Variants in MYBPC1 observed in about 807,000 individuals in gnomAD.
MYBPC1 encodes the protein myosin-binding protein C, slow-type.
A neutral mutation model predicts 147.1 loss-of-function variants in MYBPC1; 52 were observed. The observed-to-expected ratio is 0.35, with a 90% CI of 0.28 to 0.45. The LOEUF (loss-of-function observed/expected upper bound fraction) is 0.45, where lower values mean the gene tolerates loss of function less well. Ranked by LOEUF, MYBPC1 falls within the 20% of genes least tolerant of loss-of-function variation. The pLI, the probability that MYBPC1 is intolerant of heterozygous loss-of-function variation, is 1.00. For missense variants in MYBPC1, 1,228 were observed against 1,440.3 expected, an observed-to-expected ratio of 0.85 and a Z score of 2.39; for synonymous variants, 477 against 475.9, an observed-to-expected ratio of 1.00 and a Z score of -0.03.
At chr12:101,613,228 C>G (rs1884890751) in intron 1 of MYBPC1, among the ~76,000 whole-genome samples, 1 of 152,162 alleles carries the variant, frequency 6.6e-6, no homozygotes, top group East Asian at 1.9e-4. Context: ...GCAATCCATT[C>G]ATTTTTCTAT....
At chr12:101,646,638 CA>C (rs35547157) in intron 12 of MYBPC1, 124 bp from the exon 13 acceptor site, 223 of 1,102,058 alleles carry the variant, frequency 2.0e-4, no homozygotes, top group Middle Eastern at 2.9e-4. Flanking sequence ...GACCCTGTCT[CA>C]AAAAAAAACA....
chr12:101,660,420 A>C (rs1265672027), intron 19 of MYBPC1: 1 of 169,174 alleles, frequency 5.9e-6, no homozygotes, highest in Non-Finnish European at 1.3e-5. Flanking sequence ...TTTGTAGTTA[A>C]AAACAACAAC....
At chr12:101,616,473 T>A (rs1317166289) in intron 2 of MYBPC1, among the ~76,000 whole-genome samples, 1 of 152,220 alleles carries the variant, frequency 6.6e-6, no homozygotes, top group African/African-American at 2.4e-5. Flanking sequence ...TCTGCTAAAA[T>A]TGTCCTTCTT....
chr12:101,673,786 C>T (rs1316209157), intron 25 of MYBPC1, among the ~76,000 whole-genome samples, 164 bp downstream of exon 25: 2 of 152,176 alleles, frequency 1.3e-5, no homozygotes, highest in Non-Finnish European at 2.9e-5. Context: ...GGCGTGGTAG[C>T]TTACACCTGT....
At chr12:101,691,200 T>C in the MYBPC1 span, among the ~76,000 whole-genome samples, 2 of 152,146 alleles carry the variant, frequency 1.3e-5, no homozygotes, top group Non-Finnish European at 2.9e-5. Flanking sequence ...GCCTCCTGAG[T>C]AGCTGGGATT....
intron 14 of MYBPC1, 146 bp from the exon 15 acceptor site, chr12:101,649,114 T>C: frequency 1.4e-6 from 1 of 718,752 alleles, no homozygotes; most frequent in Non-Finnish European, 2.4e-6. Context: ...CAGAGATTGA[T>C]TCGTACATTT....
In MYBPC1 at chr12:101,685,573, CCT is replaced by C; in HGVS notation, c.*20-4_*20-3del. 6.6e-7 allele frequency: 1 copy of C among 1,509,224 alleles called. No individual in the cohort carries two copies. Among genetic ancestry groups the C allele is most frequent in the Non-Finnish European group, 8.9e-7 (1 of 1,123,076 alleles). 93.5% of individuals were successfully genotyped at this position (1,509,224 alleles called of 1,614,324 possible). ...TTGATTTGTCTGTTTTCCTTTTGGTCCTCTCTAGGTGGGCTCTCCTTCTGCAG... is the reference window on the plus strand; with the variant it reads ...TTGATTTGTCTGTTTTCCTTTTGGTCCTCTAGGTGGGCTCTCCTTCTGCAG... On this transcript the variant is annotated splice_polypyrimidine_tract_variant and splice_region_variant and intron_variant, in intron 31 of 31. Transcript: ENST00000361466.
At chr12:101,616,595 C>A (rs749803840) in intron 2 of MYBPC1, among the ~76,000 whole-genome samples, 2 of 152,130 alleles carry the variant, frequency 1.3e-5, no homozygotes, top group Non-Finnish European at 2.9e-5. Flanking sequence ...CAGGTCTAAA[C>A]TAATATGATC....
In MYBPC1 at chr12:101,666,624, G is replaced by A. The variant is rs1394151847; in HGVS notation, c.2357-1108G>A. On this transcript the variant is annotated intron_variant, in intron 22 of 31. Coordinates refer to ENST00000361466, the MANE Select transcript of MYBPC1 (RefSeq NM_002465.4). ...TTGGTCTCTTCCGTCACTGCTCTGA[G>A]GACAAATCTCTTTGCACACTTTGCA... is the stretch of plus-strand genomic sequence containing the variant. 13 of 1,012,922 alleles carry A rather than the reference G, an allele frequency of 1.3e-5. No homozygotes were observed. In the East Asian group the frequency reaches 2.6e-4, roughly 20 times the overall value. 62.7% of individuals were successfully genotyped at this position (1,012,922 alleles called of 1,614,324 possible).
intron 10 of MYBPC1, among the ~76,000 whole-genome samples, chr12:101,639,282 T>G (rs1891569519): frequency 6.6e-6 from 1 of 152,214 alleles, no homozygotes; most frequent in Admixed American, 6.5e-5. Flanking sequence ...ATTATACAGG[T>G]CTATCCCGAG....
chr12:101,680,350 T>A lies in MYBPC1; in HGVS notation c.3254T>A (p.Ile1085Lys), dbSNP rs1306083254. 6.2e-7 allele frequency: 1 copy of A among 1,613,922 alleles called. No homozygotes were observed. The highest frequency in any genetic ancestry group is 1.1e-5 in the South Asian group (1 of 91,054). Residue 1085 changes from isoleucine (I) to lysine (K), a missense_variant, in exon 29 of 32, where the codon ATA becomes AAA. Ile to Lys is a moderately radical substitution (Grantham distance 102, BLOSUM62 -3). Around this residue, in one of 2 missense-constraint regions of MYBPC1, gnomAD observed 1,077 missense variants for 1,314.2 expected, o/e 0.82. Coordinates refer to ENST00000361466, the MANE Select transcript of MYBPC1 (RefSeq NM_002465.4). ...CTTCAATTTGAACTTCAGCCTAAAA[T>A]AACCTGGATGAAAAACAAAGTTGCT... is the stretch of plus-strand genomic sequence containing the variant. Reference protein sequence around the residue: ...CSVRGNPKPKITWMKNKVAIV... With the variant: ...CSVRGNPKPKKTWMKNKVAIV...
the MYBPC1 span, among the ~76,000 whole-genome samples, chr12:101,693,346 A>G: frequency 6.6e-6 from 1 of 152,228 alleles, no homozygotes; most frequent in Non-Finnish European, 1.5e-5. Flanking sequence ...TTGCATAAAT[A>G]ATAGTAAAAT....
At chr12:101,611,076 G>T (rs962885489) in intron 1 of MYBPC1, among the ~76,000 whole-genome samples, 1 of 152,162 alleles carries the variant, frequency 6.6e-6, no homozygotes, top group Non-Finnish European at 1.5e-5. Context: ...TCCTTCACTG[G>T]CTATAAAGTA....
chr12:101,600,398 A>C (rs1038683997), intron 1 of MYBPC1: 4 of 152,158 alleles, frequency 2.6e-5, no homozygotes, highest in Admixed American at 6.5e-5. Flanking sequence ...TGAATGTTGA[A>C]GTCAACTACC....
chr12:101,669,146 GT>G (rs1167133794), intron 23 of MYBPC1, among the ~76,000 whole-genome samples: 3 of 151,946 alleles, frequency 2.0e-5, no homozygotes, highest in African/African-American at 4.8e-5. Flanking sequence ...TCTTGAGTAT[GT>G]TTTTTTTCTA....
chr12:101,632,634 T>G (rs1890143347), intron 8 of MYBPC1, among the ~76,000 whole-genome samples: 1 of 152,272 alleles, frequency 6.6e-6, no homozygotes, highest in South Asian at 2.1e-4. Context: ...AACTCGCTTT[T>G]ACAAGTATAC....
At chr12:101,681,057 C>A (rs962270834) in intron 29 of MYBPC1, among the ~76,000 whole-genome samples, 1 of 152,130 alleles carries the variant, frequency 6.6e-6, no homozygotes, top group Non-Finnish European at 1.5e-5. Context: ...TTATAACAGG[C>A]TGCTTTTCAA....
At position 101,667,887 on chromosome 12, in the gene MYBPC1, A is replaced by G; in HGVS notation, c.2512A>G (p.Lys838Glu). The G allele has an allele frequency of 6.2e-7, 1 of 1,614,054 alleles. No individual in the cohort carries two copies. The highest frequency in any genetic ancestry group is 8.5e-7 in the Non-Finnish European group (1 of 1,179,950). Residue 838 changes from lysine (K) to glutamate (E), a missense_variant, in exon 23 of 32, where the codon AAG becomes GAG. Coordinates refer to ENST00000361466, the MANE Select transcript of MYBPC1 (RefSeq NM_002465.4). ...GTACTATTCTCAGCCCATTCTCGTG[A>G]AGGAAATCATAGGTAGGAGACAAGG... ...PKYYSQPILVKEIIEPPKIRI... is the reference protein window; with the variant it reads ...PKYYSQPILVEEIIEPPKIRI...
intron 10 of MYBPC1, among the ~76,000 whole-genome samples, chr12:101,639,220 A>T (rs989510174): frequency 6.6e-6 from 1 of 152,182 alleles, no homozygotes; most frequent in African/African-American, 2.4e-5. Context: ...TATACTCTTC[A>T]CTAGGATCAC....
Sources: gnomAD v4.1 joint callset for allele counts (sites outside exome capture counted in the v4.1 genomes callset) on GRCh38, gnomAD v4.1.1 for gene constraint, gnomAD v4.1.1 regional missense constraint, MANE v1.5 for transcripts, NCBI Gene and HGNC (gene_info 2026-07-23, HGNC 2026-07-21) for gene names.